ZNF8: variants seen among roughly 807,000 people sequenced by gnomAD.
ZNF8 encodes the protein zinc finger protein 272.
In ZNF8, 9 loss-of-function variants were observed where a neutral mutation model predicts 12.2. That is an observed-to-expected ratio of 0.73 (90% CI 0.44 to 1.28). The LOEUF is 1.28. ZNF8 is among the 50% of genes most tolerant of loss of function. The pLI, the probability that ZNF8 is intolerant of heterozygous loss-of-function variation, is 0.00. For missense variants in ZNF8, 664 were observed against 729.1 expected, an observed-to-expected ratio of 0.91 and a Z score of 1.03; for synonymous variants, 274 against 282.3, an observed-to-expected ratio of 0.97 and a Z score of 0.30.
chr19:58,295,831 G>A lies in ZNF8; in HGVS notation c.*295G>A. 3.0e-6 allele frequency: 1 copy of A among 330,202 alleles called. No individual in the cohort carries two copies. Among genetic ancestry groups the A allele is most frequent in the Non-Finnish European group, 5.5e-6 (1 of 181,058 alleles). The allele number at this position is 330,202 out of a possible 1,614,324, so 20.5% of individuals were successfully genotyped here. A position where few individuals can be genotyped will look rare whatever the true frequency, so the allele number is the denominator to read the frequency against. Reference sequence around the variant, plus strand: ...AAAAATCAATATGCGGCCCCATTTTGTAAAGGATCATTAAAATGAAAGTAA... The same window carrying A: ...AAAAATCAATATGCGGCCCCATTTTATAAAGGATCATTAAAATGAAAGTAA... On this transcript the variant is annotated 3_prime_UTR_variant, in exon 4 of 4. Coordinates refer to ENST00000621650, the MANE Select transcript of ZNF8 (RefSeq NM_021089.3).
rs748251226 is a variant in ZNF8, at chr19:58,294,946, C to T, written c.1138C>T (p.Arg380Trp). The T allele has an allele frequency of 1.1e-5, 17 of 1,614,032 alleles. No individual in the cohort carries two copies. The highest frequency in any genetic ancestry group is 2.7e-5 in the African/African-American group (2 of 74,908). ...CAGTGTGTGTGGGAAATCCTTCTCT[C>T]GGACCACTTGCCTTTTCCTGCACCT... ...TCSVCGKSFSRTTCLFLHLRT... is the reference protein window; with the variant it reads ...TCSVCGKSFSWTTCLFLHLRT... Residue 380 changes from arginine (R) to tryptophan (W), a missense_variant, in exon 4 of 4, where the codon CGG becomes TGG. By Grantham distance (101) the Arg-to-Trp change is moderately radical. Transcript: ENST00000621650. This position sits in a 1 kb window ranked among gnomAD's most constrained non-coding sequence, Gnocchi z 5.5.
At position 58,295,022 on chromosome 19, in the gene ZNF8, G is replaced by C; in HGVS notation, c.1214G>C (p.Gly405Ala). Residue 405 changes from glycine (G) to alanine (A), a missense_variant, in exon 4 of 4, where the codon GGC (glycine) becomes GCC (alanine). This residue lies in a region of ZNF8 where 225 missense variants were observed against 222.0 expected (regional missense o/e 1.01). Coordinates refer to ENST00000621650, the MANE Select transcript of ZNF8 (RefSeq NM_021089.3). Reference sequence around the variant, plus strand: ...TACGAGTGTAACCACTGCGGGAAGGGCTTCAGGCACAGCTCATCCCTGGCC... The same window carrying C: ...TACGAGTGTAACCACTGCGGGAAGGCCTTCAGGCACAGCTCATCCCTGGCC... ...RPYECNHCGK[G>A]FRHSSSLAQH... 6.2e-7 allele frequency: 1 copy of C among 1,614,050 alleles called. No individual in the cohort carries two copies.
chr19:58,288,887 T>C (rs1167644285), intron 3 of ZNF8, among the ~76,000 whole-genome samples: 1 of 152,156 alleles, frequency 6.6e-6, no homozygotes, highest in African/African-American at 2.4e-5. Flanking sequence ...TTCAGACATG[T>C]ATGTCGGAAG....
chr19:58,285,918 C>T (rs944596408), intron 2 of ZNF8, 75 bp downstream of exon 2: 132 of 1,542,420 alleles, frequency 8.6e-5, no homozygotes, highest in Non-Finnish European at 1.1e-4. Context: ...GTGTGAGGAC[C>T]TGACCTTGGG....
chr19:58,280,501 G>C (rs2051343817), intron 1 of ZNF8: 1 of 152,762 alleles, frequency 6.5e-6, no homozygotes, highest in Non-Finnish European at 1.5e-5. Context: ...ACCTTGTTGA[G>C]TGTTGGAGGG....
intron 3 of ZNF8, among the ~76,000 whole-genome samples, chr19:58,290,105 A>ATTTTT (rs2051408553): frequency 1.5e-5 from 1 of 67,484 alleles, no homozygotes; most frequent in African/African-American, 5.8e-5. Flanking sequence ...CCATTTCAAG[A>ATTTTT]TTCTTTTTTT....
rs2051441080 is a variant in ZNF8, at chr19:58,294,558, C to CTT, written c.750_751insTT (p.Gln251PhefsTer139). 1 of 1,614,002 alleles carries CTT rather than the reference C, an allele frequency of 6.2e-7. No homozygotes were observed. The highest frequency in any genetic ancestry group is 1.3e-5 in the African/African-American group (1 of 74,888). On this transcript the variant is annotated frameshift_variant, in exon 4 of 4. Transcript: ENST00000621650. LOFTEE classifies it low-confidence loss of function (END_TRUNC). The surrounding 1 kb of genome is among the most constrained non-coding windows in gnomAD (Gnocchi z 5.5). ...TTCCAATTACGGAACTCACAAAAAG[C>CTT]CAGGTGCAGGACAAACCCTACAAAT...
In ZNF8 at chr19:58,295,617, TG is replaced by T. The variant is rs1568528136; in HGVS notation, c.*86del. On this transcript the variant is annotated 3_prime_UTR_variant, in exon 4 of 4. Transcript: ENST00000621650. ...ATAGTGTACTCATGGAAGGAGGGGC[TG>T]GGGGTAGAAATGTCATGGGTGACTT... 2 of 1,207,028 alleles carry T rather than the reference TG, an allele frequency of 1.7e-6. No individual in the cohort carries two copies. Among genetic ancestry groups the T allele is most frequent in the East Asian group, 2.4e-5 (1 of 42,446 alleles). 74.8% of individuals were successfully genotyped at this position (1,207,028 alleles called of 1,614,324 possible).
At chr19:58,293,350 C>T (rs918750929) in intron 3 of ZNF8, among the ~76,000 whole-genome samples, 1 of 152,168 alleles carries the variant, frequency 6.6e-6, no homozygotes, top group Admixed American at 6.5e-5. Flanking sequence ...TTCATTCCCT[C>T]GATACGTTCC....
rs746678959 is a variant in ZNF8 at position 58,295,269 on chromosome 19, A to G, written c.1461A>G (p.Ile487Met). ...IQSSHLIRHQITHTREEQPHG... is the reference protein window; with the variant it reads ...IQSSHLIRHQMTHTREEQPHG... ...GCTCTCACCTCATCCGGCACCAGATAACTCACACCAGAGAGGAGCAGCCCC... is the reference window on the plus strand; with the variant it reads ...GCTCTCACCTCATCCGGCACCAGATGACTCACACCAGAGAGGAGCAGCCCC... Residue 487 changes from isoleucine (I) to methionine (M), a missense_variant, in exon 4 of 4, where the codon ATA becomes ATG. Transcript: ENST00000621650. 2 of 1,614,120 alleles carry G rather than the reference A, an allele frequency of 1.2e-6. No homozygotes were observed. Among genetic ancestry groups the G allele is most frequent in the South Asian group, 2.2e-5 (2 of 91,092 alleles).
chr19:58,280,854 A>G (rs60770709), intron 1 of ZNF8, among the ~76,000 whole-genome samples: 1,547 of 152,270 alleles, frequency 0.01, 20 homozygotes, highest in African/African-American at 0.035. Flanking sequence ...GCCTGTCTTC[A>G]AAGCCTGCAT....
chr19:58,281,420 A>G, intron 1 of ZNF8, among the ~76,000 whole-genome samples: 1 of 152,246 alleles, frequency 6.6e-6, no homozygotes, highest in Non-Finnish European at 1.5e-5. Context: ...TAGGGCAGAA[A>G]GAACATCATG....
intron 3 of ZNF8, among the ~76,000 whole-genome samples, chr19:58,292,116 A>G (rs1030240929): frequency 4.6e-5 from 7 of 152,210 alleles, no homozygotes; most frequent in African/African-American, 1.2e-4. Flanking sequence ...TTGACATACC[A>G]TAAGTTCACC....
intron 1 of ZNF8, among the ~76,000 whole-genome samples, chr19:58,282,739 T>G (rs1175028227): frequency 1.1e-4 from 17 of 152,062 alleles, no homozygotes; most frequent in Admixed American, 1.1e-3. Flanking sequence ...GCAATTCTCC[T>G]GCCTCAGCCT....
chr19:58,279,731 G>A (rs781653948), intron 1 of ZNF8: 2 of 1,517,868 alleles, frequency 1.3e-6, no homozygotes, highest in South Asian at 1.2e-5. Flanking sequence ...TGCAGTGCAG[G>A]GCGGTCAGTG....
At position 58,300,192 on chromosome 19, in the gene ZNF8, G is replaced by A. The variant is rs1429699299; in HGVS notation, c.*4656G>A. On this transcript the variant is annotated 3_prime_UTR_variant, in exon 4 of 4. Coordinates refer to ENST00000621650, the MANE Select transcript of ZNF8 (RefSeq NM_021089.3). The stretch of plus-strand genomic sequence containing the variant: ...ACTAGAACAAAAGTAACCAGCCCAA[G>A]CTAGGAAGTGGTGGAGTTAGAATTT... 3 of 152,250 alleles carry A rather than the reference G, an allele frequency of 2.0e-5. No individual in the cohort carries two copies. Among genetic ancestry groups the A allele is most frequent in the Admixed American group, 6.5e-5 (1 of 15,286 alleles). 9.4% of individuals were successfully genotyped at this position (152,250 alleles called of 1,614,324 possible).
At chr19:58,292,349 G>T (rs935292252) in intron 3 of ZNF8, among the ~76,000 whole-genome samples, 2 of 152,022 alleles carry the variant, frequency 1.3e-5, no homozygotes, top group Non-Finnish European at 2.9e-5. Flanking sequence ...CCTGGTAAGG[G>T]CCCCTTCCTC....
rs1242198213 is a variant in ZNF8, at chr19:58,302,037, C to G, written c.*6501C>G. On this transcript the variant is annotated 3_prime_UTR_variant, in exon 4 of 4. Transcript: ENST00000621650. ...TAAAAATTCATTAAAAATGAAGACT[C>G]TATATACAGCTTGAATATTCCTTAT... 6.6e-6 allele frequency: 1 copy of G among 152,160 alleles called. No homozygotes were observed. Among genetic ancestry groups the G allele is most frequent in the Non-Finnish European group, 1.5e-5 (1 of 68,018 alleles). 9.4% of individuals were successfully genotyped at this position (152,160 alleles called of 1,614,324 possible).
At chr19:58,292,777 T>C (rs2051427879) in intron 3 of ZNF8, among the ~76,000 whole-genome samples, 1 of 152,242 alleles carries the variant, frequency 6.6e-6, no homozygotes, top group Admixed American at 6.5e-5. Context: ...GGCTGCATAA[T>C]ATCCCGTCGT....
Sources: allele counts gnomAD v4.1 joint callset (sites outside exome capture counted in the v4.1 genomes callset), GRCh38; gene constraint gnomAD v4.1.1; regional missense constraint gnomAD v4.1.1; non-coding constraint Gnocchi (gnomAD v3.1); transcripts MANE v1.5; gene names NCBI Gene and HGNC (gene_info 2026-07-23, HGNC 2026-07-21).